The following YEATS2 variants were observed in gnomAD, a reference collection of about 807,000 sequenced individuals.
The protein encoded by YEATS2 is YEATS domain containing 2, also known as YEATS domain-containing protein 2.
YEATS2 carries 77 observed loss-of-function variants against 163.2 expected under a neutral mutation model. The observed-to-expected ratio is 0.47, with a 90% CI of 0.39 to 0.57. The LOEUF (loss-of-function observed/expected upper bound fraction) is 0.57, where lower values mean the gene tolerates loss of function less well. Ranked by LOEUF, YEATS2 falls within the 20% of genes least tolerant of loss-of-function variation. The probability of loss-of-function intolerance (pLI) is 0.00; values close to 1 mark genes in which losing one functional copy is unlikely to be tolerated. For synonymous variants in YEATS2, 631 were observed against 645.1 expected (o/e 0.98, Z 0.33); for missense variants, 1,549 against 1,729.8 (o/e 0.90, Z 1.85).
chr3:183,808,280 G>A lies in YEATS2; in HGVS notation c.4086+176G>A, dbSNP rs531638346. On this transcript the variant is annotated intron_variant, in intron 29 of 30. Transcript: ENST00000305135. ...TTTTTTTCCTTCTGATTTTTAAATGGACTAAGTTATGTTTCCTCTGAGTCA... is the reference window on the plus strand; with the variant it reads ...TTTTTTTCCTTCTGATTTTTAAATGAACTAAGTTATGTTTCCTCTGAGTCA... 2.9e-5 allele frequency: 17 copies of A among 590,954 alleles called. No homozygotes were observed. In the East Asian group the frequency reaches 4.4e-4, roughly 15 times the overall value. 36.6% of individuals were successfully genotyped at this position (590,954 alleles called of 1,614,324 possible). A position where few individuals can be genotyped will look rare whatever the true frequency, so the allele number is the denominator to read the frequency against.
chr3:183,708,900 A>C (rs1253078067), intron 1 of YEATS2, among the ~76,000 whole-genome samples: 1 of 152,028 alleles, frequency 6.6e-6, no homozygotes, highest in African/African-American at 2.4e-5. Flanking sequence ...GGTGGCTCAC[A>C]CTTGTAATCC....
At chr3:183,708,433 G>T (rs1252435269) in intron 1 of YEATS2, among the ~76,000 whole-genome samples, 5 of 152,094 alleles carry the variant, frequency 3.3e-5, no homozygotes, top group Non-Finnish European at 7.4e-5. Context: ...GGCTTCTGGG[G>T]TTCTCCATCT....
chr3:183,808,120 G>C lies in YEATS2; in HGVS notation c.4086+16G>C. The C allele has an allele frequency of 3.9e-6, 6 of 1,549,034 alleles. No individual in the cohort carries two copies. Among genetic ancestry groups the C allele is most frequent in the Non-Finnish European group, 5.2e-6 (6 of 1,144,874 alleles). ...GATCCTGAAGGTGGGTGCCTGCAGG[G>C]GCCGCCAGCCAGGAAGGATGGTTGC... is the stretch of plus-strand genomic sequence containing the variant. On this transcript the variant is annotated intron_variant, in intron 29 of 30. Coordinates refer to ENST00000305135, the MANE Select transcript of YEATS2 (RefSeq NM_018023.5).
rs745623079 is a variant in YEATS2 at position 183,773,781 on chromosome 3, T to A, written c.2355T>A (p.Ala785=). ...TCCCTCAAGGAGCCATCCTGCGAGC[T>A]ACGAACAATGCTAGTTAGTGAAACC... ...LLIPQGAILR[A]TNNANLQSGS... Residue 785 remains alanine (A), a synonymous_variant, in exon 17 of 31, where the codon GCT becomes GCA. Transcript: ENST00000305135. 6 of 1,607,880 alleles carry A rather than the reference T, an allele frequency of 3.7e-6. No homozygotes were observed. The highest frequency in any genetic ancestry group is 4.2e-6 in the Non-Finnish European group (5 of 1,178,298).
intron 5 of YEATS2, among the ~76,000 whole-genome samples, chr3:183,724,170 G>T (rs1716822840): frequency 6.6e-6 from 1 of 152,028 alleles, no homozygotes; most frequent in Admixed American, 6.6e-5. Flanking sequence ...AATCCTATTT[G>T]CATATTCAAA....
intron 1 of YEATS2, among the ~76,000 whole-genome samples, chr3:183,713,944 G>T (rs1454731637): frequency 6.6e-6 from 1 of 151,444 alleles, no homozygotes; most frequent in African/African-American, 2.4e-5. Context: ...AGCTGGGACT[G>T]CAGGTGCCCA....
intron 1 of YEATS2, among the ~76,000 whole-genome samples, chr3:183,704,048 G>A (rs571578053): frequency 1.3e-5 from 2 of 152,096 alleles, no homozygotes; most frequent in African/African-American, 4.8e-5. Context: ...CTACTTAGGA[G>A]GCTGAGGCAG....
intron 21 of YEATS2, among the ~76,000 whole-genome samples, 191 bp from the exon 22 acceptor site, chr3:183,797,732 A>G (rs745398174): frequency 1.3e-5 from 2 of 152,050 alleles, no homozygotes; most frequent in Admixed American, 6.6e-5. Context: ...TAAATAAACA[A>G]TTATTGTCAT....
intron 19 of YEATS2, among the ~76,000 whole-genome samples, chr3:183,784,401 G>A (rs532822994): frequency 4.6e-5 from 7 of 152,258 alleles, no homozygotes; most frequent in Admixed American, 1.3e-4. Context: ...TTGGAGAAAT[G>A]TCTGTTCATG....
rs376690006 is a variant in YEATS2, at chr3:183,715,196, G to A, written c.34G>A (p.Asp12Asn). ...AATCAAGCGAACCATCAAAGAAACC[G>A]ACCCTGATTACGAGGATGTATCTGT... Reference protein sequence around the residue: ...SGIKRTIKETDPDYEDVSVAL... With the variant: ...SGIKRTIKETNPDYEDVSVAL... Residue 12 changes from aspartate to asparagine, a missense_variant, in exon 2 of 31, where the codon GAC becomes AAC. By Grantham distance (23) the Asp-to-Asn change is conservative. Coordinates refer to ENST00000305135, the MANE Select transcript of YEATS2 (RefSeq NM_018023.5). 9.1e-5 allele frequency: 147 copies of A among 1,613,268 alleles called. No homozygotes were observed. Among genetic ancestry groups the A allele is most frequent in the Non-Finnish European group, 1.8e-5 (21 of 1,179,750 alleles).
chr3:183,780,553 C>G (rs914128555), intron 19 of YEATS2, among the ~76,000 whole-genome samples: 18 of 152,104 alleles, frequency 1.2e-4, no homozygotes, highest in Admixed American at 1.2e-3. Context: ...TTTATTTATG[C>G]CTTTTCTGGT....
At chr3:183,748,888 T>C (rs1054541599) in intron 9 of YEATS2, among the ~76,000 whole-genome samples, 2 of 152,116 alleles carry the variant, frequency 1.3e-5, no homozygotes, top group African/African-American at 2.4e-5. Flanking sequence ...CATGAGTCAC[T>C]GCGCCCAGCC....
chr3:183,796,994 C>T (rs896051156), intron 21 of YEATS2, among the ~76,000 whole-genome samples: 2 of 152,006 alleles, frequency 1.3e-5, no homozygotes, highest in Admixed American at 6.6e-5. Context: ...GCTGGCCAGG[C>T]GCGGTAGCTC....
At chr3:183,776,443 T>C (rs1018411729) in intron 18 of YEATS2, among the ~76,000 whole-genome samples, 10 of 151,566 alleles carry the variant, frequency 6.6e-5, no homozygotes, top group African/African-American at 2.4e-4. Flanking sequence ...ACTCCGAAGG[T>C]TGAGGTGGGA....
intron 15 of YEATS2, among the ~76,000 whole-genome samples, chr3:183,766,345 T>C (rs1721906448): frequency 6.6e-6 from 1 of 152,234 alleles, no homozygotes; most frequent in South Asian, 2.1e-4. Flanking sequence ...TATCCATGCC[T>C]AAGTACCATT....
intron 7 of YEATS2, among the ~76,000 whole-genome samples, chr3:183,734,943 C>T (rs1038830501): frequency 1.1e-4 from 17 of 152,110 alleles, no homozygotes; most frequent in Non-Finnish European, 5.9e-5. Flanking sequence ...TGTGAAGTAA[C>T]GTCTTTTGAA....
At chr3:183,713,486 C>A (rs942054978) in intron 1 of YEATS2, among the ~76,000 whole-genome samples, 6 of 152,102 alleles carry the variant, frequency 3.9e-5, no homozygotes, top group Admixed American at 1.3e-4. Context: ...TTGCTTGAAC[C>A]CGGGAGGCGG....
chr3:183,808,310 G>A (rs1340579019), intron 29 of YEATS2: 4 of 561,946 alleles, frequency 7.1e-6, no homozygotes. Context: ...GAGTCATGTG[G>A]TTTCAGGTGC....
At position 183,754,184 on chromosome 3, in the gene YEATS2, A is replaced by G. The variant is rs1236768215; in HGVS notation, c.1209A>G (p.Ser403=). 6.2e-7 allele frequency: 1 copy of G among 1,612,882 alleles called. No homozygotes were observed. The change falls in exon 11 of 31, where the codon TCA becomes TCG. Residue 403 remains serine (S), a synonymous_variant. Transcript: ENST00000305135. ...RHTPFYALPS[S]LERTPTKMTT... is the part of the protein sequence containing the mutation. The stretch of plus-strand genomic sequence containing the variant: ...CTCCGTTTTATGCTTTGCCATCTTC[A>G]TTGGAAAGAACACCCACCAAAATGA...
Sources: gnomAD v4.1 joint callset for allele counts (sites outside exome capture counted in the v4.1 genomes callset) on GRCh38, gnomAD v4.1.1 for gene constraint, MANE v1.5 for transcripts, NCBI Gene and HGNC (gene_info 2026-07-23, HGNC 2026-07-21) for gene names.